Variants in RNF182 observed in about 807,000 individuals in gnomAD.
RNF182 encodes E3 ubiquitin-protein ligase RNF182.
Under a neutral mutation model 14.4 loss-of-function variants are expected in RNF182, and 15 were observed. The ratio of observed to expected loss-of-function variants is 1.04; its 90% CI spans 0.70 to 1.60. The LOEUF (loss-of-function observed/expected upper bound fraction) is 1.60. Among genes scored for constraint, RNF182 ranks in the 40% most tolerant of loss-of-function variants. The pLI, the probability that RNF182 is intolerant of heterozygous loss-of-function variation, is 0.00. For synonymous variants in RNF182, 128 were observed against 122.9 expected (o/e 1.04, Z -0.27); for missense variants, 268 against 294.8 (o/e 0.91, Z 0.67).
chr6:13,934,262 C>T (rs1356379700), intron 1 of RNF182, among the ~76,000 whole-genome samples: 1 of 152,108 alleles, frequency 6.6e-6, no homozygotes, highest in Non-Finnish European at 1.5e-5. Flanking sequence ...CACTCCTCAC[C>T]CTGTCTCTTA....
At chr6:13,975,087 G>C (rs1035738123) in intron 2 of RNF182, among the ~76,000 whole-genome samples, 1 of 152,210 alleles carries the variant, frequency 6.6e-6, no homozygotes, top group Non-Finnish European at 1.5e-5. Context: ...GGGAATGAAT[G>C]GGAGCTTTCC....
chr6:13,975,910 G>C (rs73364341), intron 2 of RNF182, among the ~76,000 whole-genome samples: 2,035 of 152,296 alleles, frequency 0.013, 37 homozygotes, highest in African/African-American at 0.041. Context: ...TTGAGATTTT[G>C]TATATTACTG....
At chr6:13,930,968 T>G (rs766079904) in intron 1 of RNF182, among the ~76,000 whole-genome samples, 10 of 152,354 alleles carry the variant, frequency 6.6e-5, no homozygotes, top group Non-Finnish European at 1.3e-4. Context: ...GCCTTTCTGC[T>G]GCAGTGAAGA....
chr6:13,939,665 T>C (rs1404214517), intron 1 of RNF182, among the ~76,000 whole-genome samples: 2 of 152,134 alleles, frequency 1.3e-5, no homozygotes, highest in African/African-American at 2.4e-5. Flanking sequence ...TGCCTCAGCC[T>C]CCTGAGTAGC....
rs1304781334 is a variant in RNF182 at position 13,977,056 on chromosome 6, C to A, written c.-64C>A. On this transcript the variant is annotated 5_prime_UTR_variant, in exon 3 of 3. Coordinates refer to ENST00000488300, the MANE Select transcript of RNF182 (RefSeq NM_152737.4). ...TTGGATGATATGATATTCAGAGGGG[C>A]ACCTTAATCAAAGCCATTCTTCAAC... 5 of 1,497,282 alleles carry A rather than the reference C, an allele frequency of 3.3e-6. No homozygotes were observed. Among genetic ancestry groups the A allele is most frequent in the Non-Finnish European group, 4.5e-6 (5 of 1,102,486 alleles). The allele number at this position is 1,497,282 out of a possible 1,614,324, so 92.7% of individuals were successfully genotyped here.
chr6:13,976,843 G>A (rs1760337726), intron 2 of RNF182, 66 bp from the exon 3 acceptor site: 1 of 374,240 alleles, frequency 2.7e-6, no homozygotes, highest in African/African-American at 2.0e-5. Flanking sequence ...ATTCCATAAA[G>A]CACTTTTCAG....
At chr6:13,933,874 T>C (rs1759038458) in intron 1 of RNF182, among the ~76,000 whole-genome samples, 1 of 151,938 alleles carries the variant, frequency 6.6e-6, no homozygotes, top group South Asian at 2.1e-4. Flanking sequence ...AAAAATTAGC[T>C]AGGCCTGGTG....
At chr6:13,940,971 A>G (rs1031867290) in intron 1 of RNF182, among the ~76,000 whole-genome samples, 2 of 151,976 alleles carry the variant, frequency 1.3e-5, no homozygotes, top group Non-Finnish European at 2.9e-5. Flanking sequence ...GACTATTCTT[A>G]TGGCCTGGAT....
chr6:13,954,600 A>T (rs1759682988), intron 1 of RNF182, among the ~76,000 whole-genome samples: 6 of 152,042 alleles, frequency 3.9e-5, no homozygotes, highest in Admixed American at 3.9e-4. Flanking sequence ...TATCATTAGT[A>T]TTAGTGTATT....
At chr6:13,953,879 G>C (rs930397921) in intron 1 of RNF182, among the ~76,000 whole-genome samples, 7 of 152,148 alleles carry the variant, frequency 4.6e-5, no homozygotes, top group Admixed American at 2.6e-4. Context: ...GGCTTATGCT[G>C]TACTAAACAT....
At chr6:13,957,106 A>G (rs2113623547) in intron 1 of RNF182, among the ~76,000 whole-genome samples, 1 of 152,360 alleles carries the variant, frequency 6.6e-6, no homozygotes, top group East Asian at 1.9e-4. Context: ...TAGAGTATTT[A>G]GAATGTCTGT....
chr6:13,977,535 A>C lies in RNF182; in HGVS notation c.416A>C (p.Glu139Ala), dbSNP rs1447587584. ...ATAACCATCATGGAGGTGCAGAGAG[A>C]GAGCTCCCCGTCCCTGAGCTCCACT... ...LVITIMEVQR[E>A]SSPSLSSTPV... Residue 139 changes from glutamate to alanine, a missense_variant, in exon 3 of 3, where the codon GAG becomes GCG. Coordinates refer to ENST00000488300, the MANE Select transcript of RNF182 (RefSeq NM_152737.4). 2 of 1,614,150 alleles carry C rather than the reference A, an allele frequency of 1.2e-6. No homozygotes were observed. Among genetic ancestry groups the C allele is most frequent in the Non-Finnish European group, 1.7e-6 (2 of 1,180,016 alleles).
At chr6:13,973,272 C>T (rs1760240251) in intron 1 of RNF182, among the ~76,000 whole-genome samples, 1 of 152,208 alleles carries the variant, frequency 6.6e-6, no homozygotes, top group South Asian at 2.1e-4. Flanking sequence ...TTTACAGGCT[C>T]ATAGGCAGAT....
chr6:13,966,978 A>G (rs1391514767), intron 1 of RNF182, among the ~76,000 whole-genome samples: 1 of 151,996 alleles, frequency 6.6e-6, no homozygotes, highest in Non-Finnish European at 1.5e-5. Context: ...CTGGGACCAC[A>G]GGCGTGCACC....
intron 1 of RNF182, among the ~76,000 whole-genome samples, chr6:13,955,015 C>T (rs751068114): frequency 1.3e-5 from 2 of 152,180 alleles, no homozygotes; most frequent in South Asian, 4.1e-4. Context: ...TGTGTGTCAT[C>T]CGCCTCCTTA....
At chr6:13,942,343 TA>T (rs1375162916) in intron 1 of RNF182, among the ~76,000 whole-genome samples, 5 of 152,078 alleles carry the variant, frequency 3.3e-5, no homozygotes, top group South Asian at 2.1e-4. Context: ...ATTCTTTAAT[TA>T]AAAAAAATTT....
intron 1 of RNF182, among the ~76,000 whole-genome samples, chr6:13,956,157 G>A (rs185878462): frequency 3.1e-4 from 47 of 152,190 alleles, no homozygotes; most frequent in Non-Finnish European, 5.7e-4. Context: ...ATTTCATTGT[G>A]TATACCTACC....
chr6:13,934,888 A>G (rs1460164071), intron 1 of RNF182, among the ~76,000 whole-genome samples: 1 of 152,214 alleles, frequency 6.6e-6, no homozygotes, highest in Non-Finnish European at 1.5e-5. Context: ...AGAGCATTTC[A>G]GACAGAATCA....
At position 13,977,919 on chromosome 6, in the gene RNF182, G is replaced by C. The variant is rs912584050; in HGVS notation, c.*56G>C. The C allele has an allele frequency of 2.0e-5, 30 of 1,474,704 alleles. No individual in the cohort carries two copies. The highest frequency in any genetic ancestry group is 2.5e-5 in the Non-Finnish European group (28 of 1,098,446). The allele number at this position is 1,474,704 out of a possible 1,614,324, so 91.4% of individuals were successfully genotyped here. A position where few individuals can be genotyped will look rare whatever the true frequency, so the allele number is the denominator to read the frequency against. ...ATTGCCCTGTTTGAGTGTGAAGTTA[G>C]ATAATTTATAATTTATTTTCTTTTA... is the stretch of plus-strand genomic sequence containing the variant. On this transcript the variant is annotated 3_prime_UTR_variant, in exon 3 of 3. Coordinates refer to ENST00000488300, the MANE Select transcript of RNF182 (RefSeq NM_152737.4).
Sources: allele counts gnomAD v4.1 joint callset (sites outside exome capture counted in the v4.1 genomes callset), GRCh38; gene constraint gnomAD v4.1.1; transcripts MANE v1.5; gene names NCBI Gene and HGNC (gene_info 2026-07-23, HGNC 2026-07-21).